Variants in EPHA6 observed in about 807,000 individuals in gnomAD.
EPHA6 encodes the protein EPH receptor A6, also known as ephrin type-A receptor 6.
EPHA6 carries 50 observed loss-of-function variants against 112.0 expected under a neutral mutation model. The observed-to-expected ratio is 0.45, with a 90% confidence interval of 0.36 to 0.56. The LOEUF (loss-of-function observed/expected upper bound fraction) is 0.56. EPHA6 is among the 20% of genes least tolerant of loss of function. The pLI is 0.00. For synonymous variants in EPHA6, 529 were observed against 490.7 expected, an observed-to-expected ratio of 1.08 and a Z score of -1.03; for missense variants, 1,280 against 1,417.4, an observed-to-expected ratio of 0.90 and a Z score of 1.56.
chr3:97,177,838 C>T (rs1368916034), intron 3 of EPHA6, among the ~76,000 whole-genome samples: 2 of 151,778 alleles, frequency 1.3e-5, no homozygotes, highest in Admixed American at 6.6e-5. Flanking sequence ...TCTATGTGTG[C>T]CTTTAAAAGT....
Position 97,688,034 on chromosome 3 carries a change from G to A in EPHA6, c.2785-32227G>A, listed in dbSNP as rs150026210. Among the ~76,000 whole-genome samples the A allele has an allele frequency of 3.9e-5, 6 of 152,264 alleles. No homozygotes were observed. In the East Asian group the frequency reaches 9.7e-4, roughly 24 times the overall value. ...CTGCCAAGCTCAAAGTCAGTGAGGC[G>A]GGGAAATATGCTTCATTCCCAGGCA... On this transcript the variant is annotated intron_variant, in intron 14 of 17. Transcript: ENST00000389672.
intron 3 of EPHA6, among the ~76,000 whole-genome samples, chr3:97,113,646 CA>C (rs1312950550): frequency 2.6e-5 from 4 of 151,496 alleles, no homozygotes; most frequent in Non-Finnish European, 2.9e-5. Flanking sequence ...AGAGCACCCA[CA>C]AAAAAAAGTC....
intron 3 of EPHA6, among the ~76,000 whole-genome samples, chr3:97,114,733 T>G (rs1327230952): frequency 6.6e-6 from 1 of 152,028 alleles, no homozygotes; most frequent in African/African-American, 2.4e-5. Flanking sequence ...ACTAATTCAC[T>G]CAACAACTAT....
At chr3:97,687,293 G>A (rs555207900) in intron 14 of EPHA6, among the ~76,000 whole-genome samples, 1 of 152,214 alleles carries the variant, frequency 6.6e-6, no homozygotes, top group East Asian at 1.9e-4. Flanking sequence ...TACAGCAACT[G>A]TCTAGAGTCT....
At chr3:96,885,070 A>T (rs1167088555) in intron 2 of EPHA6, among the ~76,000 whole-genome samples, 1 of 152,184 alleles carries the variant, frequency 6.6e-6, no homozygotes, top group Non-Finnish European at 1.5e-5. Flanking sequence ...CACTGGTATG[A>T]AACCCACATG....
intron 3 of EPHA6, among the ~76,000 whole-genome samples, chr3:97,061,328 A>C (rs1427809213): frequency 6.6e-6 from 1 of 152,160 alleles, no homozygotes; most frequent in Non-Finnish European, 1.5e-5. Context: ...CATACGGGGA[A>C]ATGGGGCAAC....
At position 97,444,199 on chromosome 3, in the gene EPHA6, A is replaced by T. The variant is rs552343715; in HGVS notation, c.1732-4369A>T. On this transcript the variant is annotated intron_variant, in intron 6 of 17. Coordinates refer to ENST00000389672, the MANE Select transcript of EPHA6 (RefSeq NM_001080448.3). ...AGATATGTCTAGAAAATAAAATATA[A>T]TTTTTATCTTACATTTAATCCAATT... Among the ~76,000 whole-genome samples, 188 of 152,252 alleles carry T rather than the reference A, an allele frequency of 1.2e-3. 2 individuals carry two copies. The highest frequency in any genetic ancestry group is 4.3e-3 in the African/African-American group (180 of 41,570).
At chr3:97,094,431 A>T (rs2047175209) in intron 3 of EPHA6, among the ~76,000 whole-genome samples, 1 of 152,122 alleles carries the variant, frequency 6.6e-6, no homozygotes, top group African/African-American at 2.4e-5. Flanking sequence ...CATAACAAGT[A>T]TTTTCTCAGT....
At chr3:97,510,125 G>C (rs1471880240) in intron 10 of EPHA6, among the ~76,000 whole-genome samples, 1 of 152,088 alleles carries the variant, frequency 6.6e-6, no homozygotes, top group Non-Finnish European at 1.5e-5. Context: ...TTTACATTGG[G>C]TTAGAACATG....
chr3:97,007,545 T>C (rs2043931269), intron 3 of EPHA6, among the ~76,000 whole-genome samples: 1 of 152,176 alleles, frequency 6.6e-6, no homozygotes, highest in Admixed American at 6.5e-5. Context: ...CCGATGGGTC[T>C]TGACTCCTTA....
intron 3 of EPHA6, among the ~76,000 whole-genome samples, chr3:97,187,695 AAG>A (rs1491563185): frequency 1.9e-5 from 2 of 107,088 alleles, no homozygotes; most frequent in Non-Finnish European, 4.1e-5. Flanking sequence ...GAAGGAAAGA[AAG>A]AAAGAAAGAA....
At chr3:97,496,556 A>G (rs1437112984) in intron 10 of EPHA6, among the ~76,000 whole-genome samples, 3 of 152,144 alleles carry the variant, frequency 2.0e-5, no homozygotes, top group Admixed American at 6.6e-5. Flanking sequence ...ATAACCCTTT[A>G]TATTTATGAA....
chr3:97,641,702 A>T (rs1430985151), intron 14 of EPHA6, among the ~76,000 whole-genome samples: 1 of 152,046 alleles, frequency 6.6e-6, no homozygotes, highest in African/African-American at 2.4e-5. Context: ...AAATCGGGTC[A>T]CTCCCACCCG....
At chr3:97,590,957 A>G (rs531874104) in intron 11 of EPHA6, among the ~76,000 whole-genome samples, 18 of 152,318 alleles carry the variant, frequency 1.2e-4, no homozygotes, top group Admixed American at 2.6e-4. Context: ...TTTGTGTTCA[A>G]TGATAGATAT....
intron 11 of EPHA6, among the ~76,000 whole-genome samples, chr3:97,536,875 A>C (rs2092771572): frequency 6.6e-6 from 1 of 152,156 alleles, no homozygotes; most frequent in Non-Finnish European, 1.5e-5. Context: ...AAAAACGAAA[A>C]GTGTAAGTAA....
At chr3:97,521,591 G>GT (rs1455893324) in intron 10 of EPHA6, among the ~76,000 whole-genome samples, 1 of 152,094 alleles carries the variant, frequency 6.6e-6, no homozygotes, top group Non-Finnish European at 1.5e-5. Flanking sequence ...AGAACAGCAT[G>GT]GGGAAAACCA....
At chr3:97,151,163 C>A (rs555469248) in intron 3 of EPHA6, among the ~76,000 whole-genome samples, 2 of 152,216 alleles carry the variant, frequency 1.3e-5, no homozygotes, top group Admixed American at 1.3e-4. Flanking sequence ...GTACTTTTAT[C>A]TATTCCTAAA....
At chr3:96,922,258 G>A (rs2107632225) in intron 2 of EPHA6, among the ~76,000 whole-genome samples, 1 of 152,240 alleles carries the variant, frequency 6.6e-6, no homozygotes, top group South Asian at 2.1e-4. Flanking sequence ...GCTAAATAAA[G>A]AAGTAATGAT....
rs141892060 is a variant in EPHA6 at position 97,516,863 on chromosome 3, C to T, written c.2201-15495C>T. Among the ~76,000 whole-genome samples, 997 of 152,200 alleles carry T rather than the reference C, an allele frequency of 6.6e-3. 12 individuals carry two copies. The highest frequency in any genetic ancestry group is 0.022 in the African/African-American group (918 of 41,528). On this transcript the variant is annotated intron_variant, in intron 10 of 17. Transcript: ENST00000389672. ...GAAAATTTCTTGACTTCTACATCTA[C>T]CCTAGAATATCCCAGCTTTGGGTCT...
Sources: gnomAD v4.1 joint callset for allele counts (sites outside exome capture counted in the v4.1 genomes callset) on GRCh38, gnomAD v4.1.1 for gene constraint, MANE v1.5 for transcripts, NCBI Gene and HGNC (gene_info 2026-07-23, HGNC 2026-07-21) for gene names.